The following RCOR1 variants were observed in gnomAD, a reference collection of about 807,000 sequenced individuals.
The protein encoded by RCOR1 is REST corepressor 1.
A neutral mutation model predicts 64.0 loss-of-function variants in RCOR1; 12 were observed. The ratio of observed to expected loss-of-function variants is 0.19; its 90% CI spans 0.12 to 0.30. The LOEUF (loss-of-function observed/expected upper bound fraction) is 0.30, where lower values mean the gene tolerates loss of function less well. RCOR1 is among the 10% of genes least tolerant of loss of function. The pLI, the probability that RCOR1 is intolerant of heterozygous loss-of-function variation, is 1.00. For synonymous variants in RCOR1, 279 were observed against 227.2 expected (o/e 1.23, Z -2.05); for missense variants, 502 against 621.2 (o/e 0.81, Z 2.04).
At chr14:102,610,515 C>G (rs1341151544) in intron 2 of RCOR1, among the ~76,000 whole-genome samples, 2 of 152,040 alleles carry the variant, frequency 1.3e-5, no homozygotes, top group South Asian at 2.1e-4. Flanking sequence ...TGGCAATGAT[C>G]TAGACATTTT....
chr14:102,717,393 A>C (rs1184944660), intron 8 of RCOR1, among the ~76,000 whole-genome samples: 3 of 152,240 alleles, frequency 2.0e-5, no homozygotes, highest in African/African-American at 7.2e-5. Flanking sequence ...GAGGCAGCCC[A>C]GACCAGGACC....
At chr14:102,632,686 T>TTTTCCTTTCC in intron 2 of RCOR1, among the ~76,000 whole-genome samples, 1 of 125,706 alleles carries the variant, frequency 8.0e-6, no homozygotes, top group Admixed American at 8.2e-5. Context: ...TTCCTTTTCC[T>TTTTCCTTTCC]TTTCCTTTTC....
rs143288881 is a variant in RCOR1, at chr14:102,723,526, A to T, written c.1419+1110A>T. Among the ~76,000 whole-genome samples, 15 of 152,360 alleles carry T rather than the reference A, an allele frequency of 9.8e-5. No individual in the cohort carries two copies. In the East Asian group the frequency reaches 2.7e-3, roughly 27 times the overall value. Reference sequence around the variant, plus strand: ...GCCAGAAAATCTTTATAATAAGTGTACCACGTCTATAATATTGCCAAGGTC... The same window carrying T: ...GCCAGAAAATCTTTATAATAAGTGTTCCACGTCTATAATATTGCCAAGGTC... On this transcript the variant is annotated intron_variant, in intron 11 of 11. Transcript: ENST00000262241.
chr14:102,594,786 G>GT, intron 2 of RCOR1, among the ~76,000 whole-genome samples: 1 of 151,906 alleles, frequency 6.6e-6, no homozygotes, highest in South Asian at 2.1e-4. Flanking sequence ...GAAGCATACT[G>GT]TTTTTTGGTT....
intron 2 of RCOR1, among the ~76,000 whole-genome samples, chr14:102,598,890 A>G (rs553555532): frequency 6.6e-6 from 1 of 152,258 alleles, no homozygotes; most frequent in Admixed American, 6.5e-5. Context: ...AAAAGAGTTA[A>G]AAACCTAAGT....
At chr14:102,705,552 A>G (rs1317109614) in intron 4 of RCOR1, among the ~76,000 whole-genome samples, 1 of 152,164 alleles carries the variant, frequency 6.6e-6, no homozygotes. Context: ...TCAGTCAAGC[A>G]GTCCTCCTGC....
intron 2 of RCOR1, among the ~76,000 whole-genome samples, chr14:102,619,520 G>C (rs182849976): frequency 2.2e-5 from 3 of 139,228 alleles, no homozygotes; most frequent in African/African-American, 8.3e-5. Flanking sequence ...TTGCTCTGTT[G>C]CCCAGGCTGG....
At chr14:102,600,619 G>T in intron 2 of RCOR1, among the ~76,000 whole-genome samples, 1 of 143,888 alleles carries the variant, frequency 6.9e-6, no homozygotes, top group Admixed American at 7.2e-5. Flanking sequence ...TCCCCAGGCT[G>T]GAGTGCAGTG....
At chr14:102,715,281 C>A (rs1896047702) in intron 8 of RCOR1, among the ~76,000 whole-genome samples, 1 of 151,974 alleles carries the variant, frequency 6.6e-6, no homozygotes, top group African/African-American at 2.4e-5. Flanking sequence ...CCATGTTAGC[C>A]AGGATGGTCT....
chr14:102,663,492 G>A (rs999639320), intron 2 of RCOR1, among the ~76,000 whole-genome samples: 1 of 152,206 alleles, frequency 6.6e-6, no homozygotes, highest in Non-Finnish European at 1.5e-5. Context: ...TTAGCTGGTG[G>A]TACAGTAGTT....
intron 2 of RCOR1, among the ~76,000 whole-genome samples, chr14:102,597,351 CAG>C (rs1361342124): frequency 1.3e-5 from 2 of 150,138 alleles, no homozygotes; most frequent in South Asian, 2.1e-4. Context: ...TTTTTTGAGA[CAG>C]AGTCTCGCTC....
chr14:102,681,326 G>C (rs1895298467), intron 2 of RCOR1, among the ~76,000 whole-genome samples: 1 of 152,174 alleles, frequency 6.6e-6, no homozygotes, highest in Non-Finnish European at 1.5e-5. Flanking sequence ...GAAGATATGT[G>C]TATTGTAATA....
At chr14:102,662,927 C>T (rs988684142) in intron 2 of RCOR1, among the ~76,000 whole-genome samples, 2 of 152,108 alleles carry the variant, frequency 1.3e-5, no homozygotes, top group Non-Finnish European at 2.9e-5. Context: ...CCAAACTACC[C>T]TTCAGAAAGC....
intron 2 of RCOR1, among the ~76,000 whole-genome samples, chr14:102,616,926 C>T (rs1893773001): frequency 6.6e-6 from 1 of 152,196 alleles, no homozygotes; most frequent in African/African-American, 2.4e-5. Flanking sequence ...ATTTGTCATC[C>T]TAAGCTAACA....
chr14:102,729,545 T>C lies in RCOR1; in HGVS notation c.*3039T>C. On this transcript the variant is annotated 3_prime_UTR_variant, in exon 12 of 12. Transcript: ENST00000262241. ...TTTAACCTATAAGACGTTCTGATGC[T>C]CACAAACCTCTATTCAACACACAAA... 3.9e-6 allele frequency: 1 copy of C among 258,502 alleles called. No individual in the cohort carries two copies. Among genetic ancestry groups the C allele is most frequent in the Non-Finnish European group, 7.3e-6 (1 of 137,614 alleles). 16.0% of individuals were successfully genotyped at this position (258,502 alleles called of 1,614,324 possible).
intron 2 of RCOR1, among the ~76,000 whole-genome samples, chr14:102,636,978 AC>A (rs1437721898): frequency 6.7e-6 from 1 of 150,240 alleles, no homozygotes; most frequent in African/African-American, 2.4e-5. Flanking sequence ...TTTCAAAAAA[AC>A]AAAACAAAAC....
At chr14:102,617,115 A>T (rs1893776651) in intron 2 of RCOR1, among the ~76,000 whole-genome samples, 1 of 152,224 alleles carries the variant, frequency 6.6e-6, no homozygotes, top group Non-Finnish European at 1.5e-5. Context: ...ATGATAGCAG[A>T]AATGTAAAGT....
chr14:102,642,498 C>A (rs1595209112), intron 2 of RCOR1, among the ~76,000 whole-genome samples: 1 of 152,090 alleles, frequency 6.6e-6, no homozygotes, highest in Non-Finnish European at 1.5e-5. Context: ...ATAAAAAAGT[C>A]TTAGGCCGAT....
At chr14:102,657,190 T>C (rs1047214287) in intron 2 of RCOR1, 3 of 985,224 alleles carry the variant, frequency 3.0e-6, no homozygotes, top group Non-Finnish European at 3.6e-6. Flanking sequence ...GAGGATATCT[T>C]TGCAAAGTGT....
Sources: allele counts gnomAD v4.1 joint callset (sites outside exome capture counted in the v4.1 genomes callset), GRCh38; gene constraint gnomAD v4.1.1; transcripts MANE v1.5; gene names NCBI Gene and HGNC (gene_info 2026-07-23, HGNC 2026-07-21).